Variants in ITGA10 observed in about 807,000 individuals in gnomAD.
ITGA10 encodes the protein integrin subunit alpha 10, also known as integrin alpha-10.
A neutral mutation model predicts 145.2 loss-of-function variants in ITGA10; 105 were observed. The observed-to-expected ratio is 0.72, with a 90% CI of 0.62 to 0.85. The LOEUF (loss-of-function observed/expected upper bound fraction) is 0.85. Ranked by LOEUF, ITGA10 falls within the 40% of genes least tolerant of loss-of-function variation. The pLI is 0.00. For synonymous variants in ITGA10, 506 were observed against 557.8 expected (o/e 0.91, Z 1.31); for missense variants, 1,317 against 1,444.5 (o/e 0.91, Z 1.43).
At chr1:145,902,049 T>G in intron 10 of ITGA10, 28 bp from the exon 11 acceptor site, 1 of 1,611,816 alleles carries the variant, frequency 6.2e-7, no homozygotes, top group South Asian at 1.1e-5. Context: ...ATGGGGTCAC[T>G]GAGAAGACAG....
At chr1:145,904,905 T>C in intron 5 of ITGA10, 94 bp from the exon 6 acceptor site, 1 of 1,347,944 alleles carries the variant, frequency 7.4e-7, no homozygotes, top group African/African-American at 1.4e-5. Context: ...TAGACATTTA[T>C]AAGGCACTTC....
At chr1:145,893,350 A>G in intron 28 of ITGA10, 76 bp from the exon 29 acceptor site, 1 of 1,134,590 alleles carries the variant, frequency 8.8e-7, no homozygotes, top group Non-Finnish European at 1.3e-6. Flanking sequence ...TATCAAAGCC[A>G]GCCCCCAAAT....
Position 145,906,679 on chromosome 1 carries a change from T to C in ITGA10, c.366+54A>G, listed in dbSNP as rs782148844. On this transcript the variant is annotated intron_variant, in intron 4 of 29. Transcript: ENST00000369304. ...ACCATTTTCCCTTACCACACTTCTCTTTTTTCTTTTATGGACCTTCAGAGA... is the reference window on the plus strand; with the variant it reads ...ACCATTTTCCCTTACCACACTTCTCCTTTTTCTTTTATGGACCTTCAGAGA... 6 of 1,470,612 alleles carry C rather than the reference T, an allele frequency of 4.1e-6. No individual in the cohort carries two copies. The Admixed American group carries it at 6.9e-5, about 17-fold the overall frequency. The allele number at this position is 1,470,612 out of a possible 1,614,324, so 91.1% of individuals were successfully genotyped here.
In ITGA10 at chr1:145,906,376, A is replaced by G; in HGVS notation, c.481+18T>C. On this transcript the variant is annotated intron_variant, in intron 5 of 29. Transcript: ENST00000369304. ...ATCTCCTTCTGGGAACCAAGTACTC[A>G]GCCTTCCTCTGGCTCACGTTGGGCA... is the stretch of plus-strand genomic sequence containing the variant. 6.3e-7 allele frequency: 1 copy of G among 1,594,274 alleles called. No individual in the cohort carries two copies.
rs1305406953 is a variant in ITGA10 at position 145,901,818 on chromosome 1, C to CA, written c.1294+58dup. The stretch of plus-strand genomic sequence containing the variant: ...AGAGGGAGTATTTCATACCCGCCCC[C>CA]ACTAGGGATGTATTTCCTCCCCTAC... On this transcript the variant is annotated intron_variant, in intron 11 of 29. Coordinates refer to ENST00000369304, the MANE Select transcript of ITGA10 (RefSeq NM_003637.5). The surrounding 1 kb of genome is among the most constrained non-coding windows in gnomAD (Gnocchi z 4.3). The CA allele has an allele frequency of 8.7e-6, 14 of 1,604,798 alleles. No homozygotes were observed. The African/African-American group carries it at 1.2e-4, about 14-fold the overall frequency.
chr1:145,893,481 C>A lies in ITGA10; in HGVS notation c.3324+59G>T, dbSNP rs115691899. 2.7e-4 allele frequency: 368 copies of A among 1,378,740 alleles called. 1 individual carries two copies. In the African/African-American group the frequency reaches 4.7e-3, roughly 18 times the overall value. 85.4% of individuals were successfully genotyped at this position (1,378,740 alleles called of 1,614,324 possible). On this transcript the variant is annotated intron_variant, in intron 28 of 29. Transcript: ENST00000369304. Reference sequence around the variant, plus strand: ...CGTTCTGAAAAAGCCCACGGGTGGCCCTACCACATACCCATCATCATTATT... The same window carrying A: ...CGTTCTGAAAAAGCCCACGGGTGGCACTACCACATACCCATCATCATTATT...
intron 7 of ITGA10, 95 bp from the exon 8 acceptor site, chr1:145,903,056 CA>C: frequency 3.0e-6 from 3 of 987,364 alleles, no homozygotes; most frequent in East Asian, 2.5e-5. Context: ...CACACACACA[CA>C]CACACACACA....
intron 6 of ITGA10, 137 bp from the exon 7 acceptor site, chr1:145,904,337 C>G: frequency 1.2e-6 from 1 of 809,688 alleles, no homozygotes. Context: ...CCCTCTCTCT[C>G]TGTCTCTCCC....
Position 145,896,803 on chromosome 1 carries a change from A to T in ITGA10, c.2800T>A (p.Tyr934Asn), listed in dbSNP as rs1553745260. The change falls in exon 23 of 30, where the codon TAC becomes AAC. Residue 934 changes from tyrosine to asparagine, a missense_variant. Coordinates refer to ENST00000369304, the MANE Select transcript of ITGA10 (RefSeq NM_003637.5). ...LQDNTAQTSA[Y>N]IQYEPHLLFS... is the part of the protein sequence containing the mutation. ...AGGAGGTGGGGCTCATATTGGATGT[A>T]GGCTGAGGTCTGGGCTGTGTTATCT... The T allele has an allele frequency of 4.3e-6, 7 of 1,614,040 alleles. No homozygotes were observed. Among genetic ancestry groups the T allele is most frequent in the Middle Eastern group, 3.3e-4 (2 of 6,062 alleles).
In ITGA10 at chr1:145,907,339, C is replaced by T. The variant is rs368537970; in HGVS notation, c.164+15G>A. 35 of 1,614,176 alleles carry T rather than the reference C, an allele frequency of 2.2e-5. No homozygotes were observed. In the African/African-American group the frequency reaches 2.3e-4, roughly 10 times the overall value. ...CTGCAGTCCCAATCCCCTGGCACTC[C>T]GGTTTCTTCCTCACCATCGCTGTCC... is the stretch of plus-strand genomic sequence containing the variant. On this transcript the variant is annotated intron_variant, in intron 2 of 29. Transcript: ENST00000369304.
Position 145,895,304 on chromosome 1 carries a change from CA to C in ITGA10, c.3203del (p.Leu1068ArgfsTer15), listed in dbSNP as rs1553744495. The C allele has an allele frequency of 4.3e-6, 7 of 1,613,852 alleles. No individual in the cohort carries two copies. On this transcript the variant is annotated frameshift_variant, in exon 27 of 30. Coordinates refer to ENST00000369304, the MANE Select transcript of ITGA10 (RefSeq NM_003637.5). LOFTEE classifies it high-confidence loss of function. ...GTEVSVGLLR[L>X]VHNEFFRRAK... ...CTCTTCGGAAAAATTCATTGTGAAC[CA>C]GCCTCAATAGTCCAACAGAGACCTC... is the stretch of plus-strand genomic sequence containing the variant.
rs781980900 is a variant in ITGA10, at chr1:145,902,952, C to T, written c.768G>A (p.Gly256=). Residue 256 remains glycine, a synonymous_variant, in exon 8 of 30, where the codon GGG becomes GGA. Transcript: ENST00000369304. ...GTCGGCCCCCATGGGACTGACTGAA[C>T]CCTTCTGTGCTGAGAAGAGAAAGGA... ...AQAIMVACTE[G]FSQSHGGRPE... The T allele has an allele frequency of 5.6e-6, 9 of 1,598,784 alleles. No individual in the cohort carries two copies. Among genetic ancestry groups the T allele is most frequent in the Middle Eastern group, 1.7e-4 (1 of 5,966 alleles).
At chr1:145,894,115 C>CTTT (rs782196018) in intron 27 of ITGA10, among the ~76,000 whole-genome samples, 1 of 133,468 alleles carries the variant, frequency 7.5e-6, no homozygotes, top group South Asian at 2.5e-4. Context: ...GTAGTGGTTT[C>CTTT]TTTTTTTTTT....
chr1:145,897,347 C>T lies in ITGA10; in HGVS notation c.2575-8G>A. 1.2e-6 allele frequency: 2 copies of T among 1,613,914 alleles called. No individual in the cohort carries two copies. The highest frequency in any genetic ancestry group is 1.7e-6 in the Non-Finnish European group (2 of 1,179,820). On this transcript the variant is annotated splice_region_variant and splice_polypyrimidine_tract_variant and intron_variant, in intron 20 of 29. Coordinates refer to ENST00000369304, the MANE Select transcript of ITGA10 (RefSeq NM_003637.5). ...CTTTATTGGGCTCTCTCTCTGAGGG[C>T]AGGGGAATGGAGATAGAAGCTGGAG... is the stretch of plus-strand genomic sequence containing the variant.
chr1:145,895,910 G>A (rs1655328864), intron 25 of ITGA10, 73 bp downstream of exon 25: 1 of 1,224,560 alleles, frequency 8.2e-7, no homozygotes, highest in Admixed American at 1.7e-5. Flanking sequence ...TAGGGAGCTG[G>A]TGTGGTGTCC....
In ITGA10 at chr1:145,895,622, G is replaced by T. The variant is rs782424467; in HGVS notation, c.3114+9C>A. 2.5e-6 allele frequency: 4 copies of T among 1,613,714 alleles called. No individual in the cohort carries two copies. The highest frequency in any genetic ancestry group is 3.4e-6 in the Non-Finnish European group (4 of 1,179,732). ...ATTCCCACTCTGGACACCCCTTTGT[G>T]ACTCATACCAGTCTGTTTGTGTGTT... is the stretch of plus-strand genomic sequence containing the variant. On this transcript the variant is annotated intron_variant, in intron 26 of 29. Coordinates refer to ENST00000369304, the MANE Select transcript of ITGA10 (RefSeq NM_003637.5).
Position 145,895,622 on chromosome 1 carries a change from G to A in ITGA10, c.3114+9C>T, listed in dbSNP as rs782424467. On this transcript the variant is annotated intron_variant, in intron 26 of 29. Coordinates refer to ENST00000369304, the MANE Select transcript of ITGA10 (RefSeq NM_003637.5). ...ATTCCCACTCTGGACACCCCTTTGT[G>A]ACTCATACCAGTCTGTTTGTGTGTT... 1.4e-5 allele frequency: 23 copies of A among 1,613,598 alleles called. No individual in the cohort carries two copies. The highest frequency in any genetic ancestry group is 1.9e-5 in the Non-Finnish European group (22 of 1,179,742).
At chr1:145,906,697 T>G in intron 4 of ITGA10, 36 bp downstream of exon 4, 1 of 1,522,404 alleles carries the variant, frequency 6.6e-7, no homozygotes, top group Non-Finnish European at 9.1e-7. Context: ...TTTATGGACC[T>G]TCAGAGACAC....
In ITGA10 at chr1:145,895,331, A is replaced by T; in HGVS notation, c.3177T>A (p.Thr1059=). ...RCHLGQLAKG[T]EVSVGLLRLV... ...GCCTCAATAGTCCAACAGAGACCTC[A>T]GTCCCCTTTGCCAGCTGCCCAAGGT... The change falls in exon 27 of 30, where the codon ACT becomes ACA. Residue 1059 remains threonine, a synonymous_variant. Coordinates refer to ENST00000369304, the MANE Select transcript of ITGA10 (RefSeq NM_003637.5). The T allele has an allele frequency of 1.2e-6, 2 of 1,614,202 alleles. No homozygotes were observed. Among genetic ancestry groups the T allele is most frequent in the Non-Finnish European group, 8.5e-7 (1 of 1,180,016 alleles).
Sources: allele counts gnomAD v4.1 joint callset (sites outside exome capture counted in the v4.1 genomes callset), GRCh38; gene constraint gnomAD v4.1.1; non-coding constraint Gnocchi (gnomAD v3.1); transcripts MANE v1.5; gene names NCBI Gene and HGNC (gene_info 2026-07-23, HGNC 2026-07-21).